The following NELL2 variants were observed in gnomAD, a reference collection of about 807,000 sequenced individuals.
NELL2 encodes the protein neural EGFL like 2.
In NELL2, 41 loss-of-function variants were observed where a neutral mutation model predicts 109.6. The observed-to-expected ratio is 0.37, with a 90% CI of 0.29 to 0.49. The LOEUF is 0.49. Among genes scored for constraint, NELL2 ranks in the 20% least tolerant of loss-of-function variants. The probability of loss-of-function intolerance (pLI) is 0.98; values close to 1 mark genes in which losing one functional copy is unlikely to be tolerated. For synonymous variants in NELL2, 355 were observed against 344.7 expected (o/e 1.03, Z -0.33); for missense variants, 900 against 1,008.3 (o/e 0.89, Z 1.45).
At chr12:44,539,430 C>A (rs10880650) in intron 15 of NELL2, among the ~76,000 whole-genome samples, 18,928 of 152,022 alleles carry the variant, frequency 0.12, 1,322 homozygotes, top group East Asian at 0.27. Context: ...GAATTGAAAT[C>A]TTTATATTAT....
rs572956958 is a variant in NELL2 at position 44,871,036 on chromosome 12, T to C, written c.184+4189A>G. ...ACTTTATTTCATATCACATGCCCTA[T>C]GTTTCTACTTCTCTAGACTTCCTCC... On this transcript the variant is annotated intron_variant, in intron 2 of 19. Transcript: ENST00000429094. Among the ~76,000 whole-genome samples, 20 of 152,272 alleles carry C rather than the reference T, an allele frequency of 1.3e-4. No homozygotes were observed. In the East Asian group the frequency reaches 2.3e-3, roughly 18 times the overall value.
intron 2 of NELL2, among the ~76,000 whole-genome samples, chr12:44,865,346 C>A (rs11524561): frequency 0.79 from 114,295 of 143,818 alleles, 45,907 homozygotes; most frequent in Middle Eastern, 0.94. Flanking sequence ...TCATGCTGCT[C>A]TAAAGACACA....
At chr12:44,776,257 G>A in intron 7 of NELL2, 107 bp from the exon 8 acceptor site, 6 of 1,091,556 alleles carry the variant, frequency 5.5e-6, no homozygotes, top group Non-Finnish European at 3.8e-6. Context: ...AATGATGATG[G>A]CTGTGCTTAT....
intron 15 of NELL2, among the ~76,000 whole-genome samples, chr12:44,598,883 A>ACACACACT (rs1265603008): frequency 2.1e-5 from 3 of 143,940 alleles, no homozygotes; most frequent in Non-Finnish European, 3.0e-5. Context: ...ACACACACAC[A>ACACACACT]CTCTCTCTCT....
intron 3 of NELL2, among the ~76,000 whole-genome samples, chr12:44,799,524 G>T (rs1942757731): frequency 6.6e-6 from 1 of 151,798 alleles, no homozygotes; most frequent in Non-Finnish European, 1.5e-5. Context: ...AGGGTCAACT[G>T]CACTCTTTCC....
At chr12:44,679,401 T>C (rs900301610) in intron 12 of NELL2, among the ~76,000 whole-genome samples, 1 of 152,138 alleles carries the variant, frequency 6.6e-6, no homozygotes, top group Non-Finnish European at 1.5e-5. Context: ...GGATGCACAG[T>C]AGAATTACCA....
chr12:44,749,271 G>A (rs950105784), intron 9 of NELL2, among the ~76,000 whole-genome samples: 4 of 152,090 alleles, frequency 2.6e-5, no homozygotes, highest in Non-Finnish European at 5.9e-5. Flanking sequence ...GATAAATAAT[G>A]CATTATCAGC....
intron 1 of NELL2, among the ~76,000 whole-genome samples, chr12:44,910,650 A>G (rs1945769160): frequency 6.6e-6 from 1 of 152,046 alleles, no homozygotes; most frequent in East Asian, 1.9e-4. Context: ...AAAAAGATAC[A>G]TGTACATGTA....
At chr12:44,619,388 G>C (rs879056824) in intron 13 of NELL2, among the ~76,000 whole-genome samples, 1 of 152,150 alleles carries the variant, frequency 6.6e-6, no homozygotes, top group Non-Finnish European at 1.5e-5. Flanking sequence ...AAAAGGTGGC[G>C]TGAAAAATTG....
Position 44,804,423 on chromosome 12 carries a change from T to G in NELL2, c.335+11563A>C, listed in dbSNP as rs140512226. ...GTACACAACAGCAAGAGAAATAAGA[T>G]TTTTTAGGTAATGGAGATAACATAA... On this transcript the variant is annotated intron_variant, in intron 3 of 19. Transcript: ENST00000429094. 1.8e-3 allele frequency among the ~76,000 whole-genome samples: 279 copies of G among 151,974 alleles called. 2 individuals are homozygous for G. The highest frequency in any genetic ancestry group is 4.4e-3 in the African/African-American group (183 of 41,538).
intron 2 of NELL2, among the ~76,000 whole-genome samples, chr12:44,825,993 G>C (rs901869198): frequency 6.6e-6 from 1 of 151,850 alleles, no homozygotes; most frequent in Admixed American, 6.5e-5. Context: ...AGTGAGCCGA[G>C]ATCGCGCCAT....
chr12:44,714,121 C>T (rs1938359801), intron 10 of NELL2, among the ~76,000 whole-genome samples: 1 of 151,818 alleles, frequency 6.6e-6, no homozygotes, highest in Non-Finnish European at 1.5e-5. Flanking sequence ...GGCAAAAATT[C>T]AAATGAATCA....
rs957487870 is a variant in NELL2 at position 44,588,205 on chromosome 12, T to C, written c.1663+18964A>G. 2.3e-4 allele frequency among the ~76,000 whole-genome samples: 35 copies of C among 151,510 alleles called. 1 individual carries two copies. The highest frequency in any genetic ancestry group is 1.8e-4 in the Non-Finnish European group (12 of 67,922). On this transcript the variant is annotated intron_variant, in intron 15 of 19. Transcript: ENST00000429094. ...AAAAAAAGTTGGTTTCAATTTTGAA[T>C]CATTGTGCTTGATTGCTTGACCTAA...
chr12:44,676,832 T>A (rs1948337054), intron 12 of NELL2, among the ~76,000 whole-genome samples: 2 of 152,188 alleles, frequency 1.3e-5, no homozygotes, highest in African/African-American at 2.4e-5. Flanking sequence ...AACAAAGGCA[T>A]GTGTAGATTT....
At chr12:44,515,637 A>G (rs1444723377) in intron 19 of NELL2, among the ~76,000 whole-genome samples, 1 of 151,992 alleles carries the variant, frequency 6.6e-6, no homozygotes, top group African/African-American at 2.4e-5. Flanking sequence ...ACTTGATAAA[A>G]ATGAAAATAA....
At position 44,888,194 on chromosome 12, in the gene NELL2, T is replaced by C. The variant is rs551634094; in HGVS notation, c.39-12294A>G. On this transcript the variant is annotated intron_variant, in intron 1 of 20. Transcript: ENST00000333837. ...TCCACTACTTTGTTCCATTGGTCTA[T>C]GTATCTGTTTTTATGCCAGTATCAT... is the stretch of plus-strand genomic sequence containing the variant. Among the ~76,000 whole-genome samples, 4 of 152,188 alleles carry C rather than the reference T, an allele frequency of 2.6e-5. 1 individual carries two copies. Among genetic ancestry groups the C allele is most frequent in the African/African-American group, 7.2e-5 (3 of 41,448 alleles).
At chr12:44,871,785 C>T (rs1402689494) in intron 2 of NELL2, among the ~76,000 whole-genome samples, 6 of 152,242 alleles carry the variant, frequency 3.9e-5, no homozygotes, top group African/African-American at 1.4e-4. Flanking sequence ...ACCTTTTTTT[C>T]CCTTTAAAAC....
rs1462365146 is a variant in NELL2, at chr12:44,856,115, G to T, written c.184+19110C>A. On this transcript the variant is annotated intron_variant, in intron 2 of 19. Transcript: ENST00000429094. ...TGTGTGCAACCATGGTAGGCCAGGA[G>T]GCTACAAGAAGAAACAATGCAGAGA... 2.6e-5 allele frequency among the ~76,000 whole-genome samples: 4 copies of T among 152,186 alleles called. No homozygotes were observed. The East Asian group carries it at 7.7e-4, about 29-fold the overall frequency.
At chr12:44,665,217 G>C (rs890053205) in intron 13 of NELL2, among the ~76,000 whole-genome samples, 1 of 151,920 alleles carries the variant, frequency 6.6e-6, no homozygotes, top group Admixed American at 6.6e-5. Flanking sequence ...CACAAATTTT[G>C]AGCATAAATA....
Sources: allele counts gnomAD v4.1 joint callset (sites outside exome capture counted in the v4.1 genomes callset), GRCh38; gene constraint gnomAD v4.1.1; transcripts MANE v1.5; gene names NCBI Gene and HGNC (gene_info 2026-07-23, HGNC 2026-07-21).